The following MPDZ variants were observed in gnomAD, a reference collection of about 807,000 sequenced individuals.
MPDZ encodes multiple PDZ domain crumbs cell polarity complex component.
In MPDZ, 234 loss-of-function variants were observed where a neutral mutation model predicts 239.1. The observed-to-expected ratio is 0.98, with a 90% CI of 0.88 to 1.09. The LOEUF is 1.09. Among genes scored for constraint, MPDZ ranks in the 50% least tolerant of loss-of-function variants. MPDZ has a pLI of 0.00. For synonymous variants in MPDZ, 1,048 were observed against 881.3 expected, an observed-to-expected ratio of 1.19 and a Z score of -3.35; for missense variants, 3,175 against 2,510.0, an observed-to-expected ratio of 1.26 and a Z score of -5.66.
Position 13,180,029 on chromosome 9 carries a change from C to T in MPDZ, c.2649+3389G>A, listed in dbSNP as rs530719970. Reference sequence around the variant, plus strand: ...CTTTATTGTTTTGACACTGATCCTACTAAGGAAAAAGGCAACATCTTTTAT... The same window carrying T: ...CTTTATTGTTTTGACACTGATCCTATTAAGGAAAAAGGCAACATCTTTTAT... On this transcript the variant is annotated intron_variant, in intron 19 of 46. Transcript: ENST00000319217. Among the ~76,000 whole-genome samples, 7 of 152,162 alleles carry T rather than the reference C, an allele frequency of 4.6e-5. 1 individual carries two copies. In the South Asian group the frequency reaches 1.5e-3, roughly 32 times the overall value.
chr9:13,223,857 C>A (rs977583475), intron 4 of MPDZ, 147 bp from the exon 5 acceptor site: 2 of 737,148 alleles, frequency 2.7e-6, no homozygotes, highest in African/African-American at 1.8e-5. Flanking sequence ...CATAATGTGA[C>A]CCCATCTCTA....
intron 23 of MPDZ, among the ~76,000 whole-genome samples, chr9:13,160,577 G>A (rs1482297528): frequency 6.6e-6 from 1 of 151,568 alleles, no homozygotes; most frequent in African/African-American, 2.4e-5. Context: ...TGAAATAATT[G>A]ATTTTACCAG....
intron 11 of MPDZ, among the ~76,000 whole-genome samples, 191 bp from the exon 12 acceptor site, chr9:13,205,298 CCT>C (rs1476630347): frequency 6.6e-6 from 1 of 152,038 alleles, no homozygotes; most frequent in Non-Finnish European, 1.5e-5. Context: ...GTGATTTGCC[CCT>C]CTGTCTCTTA....
chr9:13,157,728 C>A (rs763648561), intron 24 of MPDZ, among the ~76,000 whole-genome samples: 26 of 152,002 alleles, frequency 1.7e-4, no homozygotes, highest in Non-Finnish European at 3.4e-4. Context: ...TTTTGGTATA[C>A]CTAAGATAAA....
intron 12 of MPDZ, among the ~76,000 whole-genome samples, chr9:13,197,393 G>A (rs1162393171): frequency 1.3e-5 from 2 of 151,972 alleles, no homozygotes; most frequent in Admixed American, 1.3e-4. Flanking sequence ...CCGAGTAGCT[G>A]GGATTACACC....
At chr9:13,230,001 A>G (rs1268745299) in intron 3 of MPDZ, among the ~76,000 whole-genome samples, 2 of 152,146 alleles carry the variant, frequency 1.3e-5, no homozygotes, top group Non-Finnish European at 2.9e-5. Context: ...AATAGTAAAA[A>G]AAATCCAACT....
intron 3 of MPDZ, among the ~76,000 whole-genome samples, chr9:13,240,206 A>C (rs961905112): frequency 3.3e-5 from 5 of 152,060 alleles, no homozygotes; most frequent in African/African-American, 1.2e-4. Flanking sequence ...TTAGAGGAAA[A>C]TAAAAATAAA....
rs1587616813 is a variant in MPDZ at position 13,185,203 on chromosome 9, A to T, written c.2481+1067T>A. ...AGTTACCTGGTATGTTAAGTATTACAGTGTGAAATTATTGCATTTATTATA... is the reference window on the plus strand; with the variant it reads ...AGTTACCTGGTATGTTAAGTATTACTGTGTGAAATTATTGCATTTATTATA... On this transcript the variant is annotated intron_variant, in intron 18 of 46. Transcript: ENST00000319217. 3.3e-5 allele frequency among the ~76,000 whole-genome samples: 5 copies of T among 152,148 alleles called. No homozygotes were observed. In the Middle Eastern group the frequency reaches 0.017, roughly 518 times the overall value.
intron 23 of MPDZ, among the ~76,000 whole-genome samples, chr9:13,160,871 A>ATATATATATATAT (rs1950401710): frequency 3.9e-5 from 1 of 25,616 alleles, no homozygotes; most frequent in Non-Finnish European, 9.5e-5. Context: ...TATATATATA[A>ATATATATATATAT]AACAGGTACT....
intron 1 of MPDZ, among the ~76,000 whole-genome samples, chr9:13,252,289 C>T (rs998958332): frequency 1.3e-5 from 2 of 152,048 alleles, no homozygotes; most frequent in East Asian, 1.9e-4. Context: ...ATAAATAGGC[C>T]GGGCGCGGTG....
At chr9:13,107,583 G>C (rs1481073648) in intron 46 of MPDZ, among the ~76,000 whole-genome samples, 1 of 152,136 alleles carries the variant, frequency 6.6e-6, no homozygotes, top group Non-Finnish European at 1.5e-5. Flanking sequence ...AAAGCCACCT[G>C]AACATTCCCT....
At chr9:13,202,583 C>T (rs182143232) in intron 12 of MPDZ, among the ~76,000 whole-genome samples, 31 of 152,236 alleles carry the variant, frequency 2.0e-4, no homozygotes, top group African/African-American at 7.2e-4. Context: ...CCCAATTCAC[C>T]CCAAGTGCTT....
intron 18 of MPDZ, among the ~76,000 whole-genome samples, chr9:13,185,502 CA>C (rs1349682655): frequency 6.6e-6 from 1 of 151,924 alleles, no homozygotes; most frequent in African/African-American, 2.4e-5. Context: ...GTTTGCCCCA[CA>C]AAAAACGTTG....
intron 23 of MPDZ, among the ~76,000 whole-genome samples, chr9:13,159,645 T>C (rs1337583122): frequency 6.6e-6 from 1 of 152,116 alleles, no homozygotes; most frequent in African/African-American, 2.4e-5. Context: ...GGGAGGTCCT[T>C]AGCCCTAAAG....
chr9:13,241,993 T>C (rs1965519029), intron 3 of MPDZ, among the ~76,000 whole-genome samples: 1 of 152,110 alleles, frequency 6.6e-6, no homozygotes, highest in Non-Finnish European at 1.5e-5. Flanking sequence ...TTTGCTCCTG[T>C]TTTGAGCATC....
Position 13,186,364 on chromosome 9 carries a change from A to G in MPDZ, c.2387T>C (p.Val796Ala). The G allele has an allele frequency of 6.3e-7, 1 of 1,583,166 alleles. No homozygotes were observed. The highest frequency in any genetic ancestry group is 8.6e-7 in the Non-Finnish European group (1 of 1,163,592). ...PLPLSPEEGY[V>A]SAKEDSFLYP... ...GAGAAAGGAATCCTCCTTAGCAGAA[A>G]CATAACCTTCTTCTGGTGAAAGCTG... The change falls in exon 18 of 47, where the codon GTT becomes GCT. Residue 796 changes from valine to alanine, a missense_variant. Physicochemically the swap from Val to Ala is moderately conservative, Grantham distance 64 (BLOSUM62 0). Coordinates refer to ENST00000319217, the MANE Select transcript of MPDZ (RefSeq NM_001378778.1).
intron 41 of MPDZ, 28 bp from the exon 42 acceptor site, chr9:13,113,082 G>A (rs1449772342): frequency 6.6e-7 from 1 of 1,509,494 alleles, no homozygotes; most frequent in African/African-American, 1.4e-5. Context: ...ATAAAATAGG[G>A]TTATTTTATG....
rs145762753 is a variant in MPDZ, at chr9:13,258,681, C to G, written c.-57-8309G>C. Among the ~76,000 whole-genome samples, 184 of 152,284 alleles carry G rather than the reference C, an allele frequency of 1.2e-3. 1 individual carries two copies. The South Asian group carries it at 0.023, about 19-fold the overall frequency. On this transcript the variant is annotated intron_variant, in intron 1 of 46. Transcript: ENST00000319217. ...TCATGTAGTCATCCAACAGAAATCA[C>G]TCAGTCTTTTCTTAGCATCTGTTCT...
chr9:13,160,926 A>G (rs774719396), intron 23 of MPDZ, among the ~76,000 whole-genome samples: 1 of 142,714 alleles, frequency 7.0e-6, no homozygotes, highest in Non-Finnish European at 1.5e-5. Flanking sequence ...GAATCTAGAG[A>G]TGATTTAAAC....
Sources: gnomAD v4.1 joint callset for allele counts (sites outside exome capture counted in the v4.1 genomes callset) on GRCh38, gnomAD v4.1.1 for gene constraint, MANE v1.5 for transcripts, NCBI Gene and HGNC (gene_info 2026-07-23, HGNC 2026-07-21) for gene names.